Variants in CERS4 observed in about 807,000 individuals in gnomAD.
CERS4 encodes ceramide synthase 4.
Under a neutral mutation model 51.8 loss-of-function variants are expected in CERS4, and 65 were observed. The ratio of observed to expected loss-of-function variants is 1.26; its 90% CI spans 1.03 to 1.54. The LOEUF (loss-of-function observed/expected upper bound fraction) is 1.54. Ranked by LOEUF, CERS4 falls within the 40% of genes most tolerant of loss-of-function variation. CERS4 has a pLI of 0.00. For synonymous variants in CERS4, 228 were observed against 208.4 expected, an observed-to-expected ratio of 1.09 and a Z score of -0.81; for missense variants, 563 against 500.4, an observed-to-expected ratio of 1.13 and a Z score of -1.19.
At chr19:8,246,203 T>G (rs933626670) in intron 2 of CERS4, among the ~76,000 whole-genome samples, 3 of 152,032 alleles carry the variant, frequency 2.0e-5, no homozygotes, top group African/African-American at 7.2e-5. Flanking sequence ...GAAATATTTG[T>G]GATAGGAGAC....
intron 2 of CERS4, among the ~76,000 whole-genome samples, chr19:8,246,254 T>A (rs1968783103): frequency 6.6e-6 from 1 of 151,836 alleles, no homozygotes; most frequent in Admixed American, 6.6e-5. Flanking sequence ...ACTCAGTGAC[T>A]GTACCCTTAA....
chr19:8,256,088 C>CCCCAGTCG, intron 6 of CERS4, 148 bp from the exon 7 acceptor site: 2 of 984,720 alleles, frequency 2.0e-6, no homozygotes, highest in South Asian at 3.2e-5. Context: ...TGAATGAGCC[C>CCCCAGTCG]CCCAGTCGAG....
chr19:8,256,288 T>C lies in CERS4; in HGVS notation c.519+2T>C. ...TGCTGGGACAGGTACCCAAACCAGG[T>C]GAGTGGCAGAGTGTGTGTGAATGCT... On this transcript the variant is annotated splice_donor_variant, in intron 7 of 11. Coordinates refer to ENST00000251363, the MANE Select transcript of CERS4 (RefSeq NM_024552.3). LOFTEE classifies it high-confidence loss of function. 2 of 1,613,454 alleles carry C rather than the reference T, an allele frequency of 1.2e-6. No homozygotes were observed. The highest frequency in any genetic ancestry group is 1.7e-6 in the Non-Finnish European group (2 of 1,179,786).
chr19:8,256,555 C>A lies in CERS4; in HGVS notation c.520-63C>A, dbSNP rs1180629985. 3 of 1,468,468 alleles carry A rather than the reference C, an allele frequency of 2.0e-6. No homozygotes were observed. In the African/African-American group the frequency reaches 4.2e-5, roughly 21 times the overall value. The allele number at this position is 1,468,468 out of a possible 1,614,324, so 91.0% of individuals were successfully genotyped here. On this transcript the variant is annotated intron_variant, in intron 7 of 11. Coordinates refer to ENST00000251363, the MANE Select transcript of CERS4 (RefSeq NM_024552.3). ...TTGAGCAAACGGAGTGGGCCCGGAG[C>A]CATACCCCTGCCCGATTGGAGCCTT...
chr19:8,234,537 A>G (rs1023332803), intron 2 of CERS4, among the ~76,000 whole-genome samples: 16 of 118,694 alleles, frequency 1.3e-4, no homozygotes, highest in African/African-American at 5.2e-4. Flanking sequence ...GGCACCCACC[A>G]TTCTATTTTT....
intron 6 of CERS4, 81 bp downstream of exon 6, chr19:8,255,960 G>A: frequency 2.7e-6 from 4 of 1,456,486 alleles, no homozygotes; most frequent in Non-Finnish European, 2.9e-6. Context: ...GGTGTGGAGT[G>A]GTGCAGCCAG....
intron 3 of CERS4, 142 bp downstream of exon 3, chr19:8,251,391 C>A: frequency 7.3e-7 from 1 of 1,377,410 alleles, no homozygotes; most frequent in Non-Finnish European, 9.4e-7. Context: ...TCCAGCCTGC[C>A]CCCAGCCGCC....
chr19:8,234,091 G>A (rs1968132478), intron 2 of CERS4, among the ~76,000 whole-genome samples: 1 of 151,842 alleles, frequency 6.6e-6, no homozygotes, highest in Admixed American at 6.6e-5. Flanking sequence ...CGGATCACGA[G>A]GTCAGGAGAT....
At chr19:8,251,780 G>A (rs1026468819) in intron 3 of CERS4, among the ~76,000 whole-genome samples, 1 of 149,002 alleles carries the variant, frequency 6.7e-6, no homozygotes, top group Admixed American at 6.8e-5. Context: ...CTCCAGCCTC[G>A]GCAACAGAGC....
chr19:8,230,971 C>G (rs1477503972), intron 2 of CERS4, among the ~76,000 whole-genome samples: 3 of 152,140 alleles, frequency 2.0e-5, no homozygotes, highest in Non-Finnish European at 2.9e-5. Context: ...CCCCAAGTAG[C>G]TGGGACTACA....
intron 2 of CERS4, among the ~76,000 whole-genome samples, chr19:8,214,971 GAAAA>G (rs1967235224): frequency 1.5e-5 from 1 of 65,604 alleles, no homozygotes; most frequent in African/African-American, 5.4e-5. Context: ...GGGAGGAGGA[GAAAA>G]AGGAAGAGGA....
At chr19:8,260,598 C>CT (rs1969633271) in intron 10 of CERS4, among the ~76,000 whole-genome samples, 1 of 151,294 alleles carries the variant, frequency 6.6e-6, no homozygotes, top group Non-Finnish European at 1.5e-5. Flanking sequence ...AAAGAGTGAG[C>CT]TTTTTGTTTT....
chr19:8,243,609 C>T (rs1245783873), intron 2 of CERS4, among the ~76,000 whole-genome samples: 2 of 151,834 alleles, frequency 1.3e-5, no homozygotes, highest in Non-Finnish European at 2.9e-5. Flanking sequence ...TGCCCCATAG[C>T]ATGGTACTTA....
chr19:8,224,331 T>C (rs1043353658), intron 2 of CERS4, among the ~76,000 whole-genome samples: 1 of 146,716 alleles, frequency 6.8e-6, no homozygotes, highest in African/African-American at 2.6e-5. Context: ...CGCTTGAACC[T>C]GGGAGGCGGA....
chr19:8,216,646 C>T (rs1372646480), intron 2 of CERS4, among the ~76,000 whole-genome samples: 2 of 152,118 alleles, frequency 1.3e-5, no homozygotes, highest in Admixed American at 1.3e-4. Context: ...TTGCCACTCC[C>T]TCATCTCCAC....
intron 2 of CERS4, among the ~76,000 whole-genome samples, chr19:8,236,046 A>G (rs1968236026): frequency 6.6e-6 from 1 of 152,106 alleles, no homozygotes; most frequent in East Asian, 1.9e-4. Flanking sequence ...ATACAAAAAA[A>G]TTAGCTGGGC....
At chr19:8,244,514 C>CT (rs1968672577) in intron 2 of CERS4, among the ~76,000 whole-genome samples, 1 of 152,168 alleles carries the variant, frequency 6.6e-6, no homozygotes, top group Admixed American at 6.6e-5. Flanking sequence ...CAACCCTTCT[C>CT]TTTTCTGGCT....
At chr19:8,240,199 AAGCTGGGGAGGCAG>A (rs1285272160) in intron 2 of CERS4, among the ~76,000 whole-genome samples, 2 of 152,090 alleles carry the variant, frequency 1.3e-5, no homozygotes, top group Non-Finnish European at 2.9e-5. Context: ...GCTATGGATT[AAGCTGGGGAGGCAG>A]AGGTGGGGAG....
Position 8,242,299 on chromosome 19 carries a change from T to G in CERS4, c.-1-8777T>G, listed in dbSNP as rs1542538. On this transcript the variant is annotated intron_variant, in intron 2 of 11. Coordinates refer to ENST00000251363, the MANE Select transcript of CERS4 (RefSeq NM_024552.3). ...GACAGAGACAGGTTGGTGAGGTTAG[T>G]GAGAGAGTAGGACCTCTGGGGCCAG... is the stretch of plus-strand genomic sequence containing the variant. Among the ~76,000 whole-genome samples, 69 of 152,184 alleles carry G rather than the reference T, an allele frequency of 4.5e-4. 3 individuals are homozygous for G. In the South Asian group the frequency reaches 0.013, roughly 28 times the overall value.
Sources: allele counts gnomAD v4.1 joint callset (sites outside exome capture counted in the v4.1 genomes callset), GRCh38; gene constraint gnomAD v4.1.1; transcripts MANE v1.5; gene names NCBI Gene and HGNC (gene_info 2026-07-23, HGNC 2026-07-21).